The following CSMD1 variants were observed in gnomAD, a reference collection of about 807,000 sequenced individuals.
The protein encoded by CSMD1 is CUB and sushi domain-containing protein 1.
A neutral mutation model predicts 417.5 loss-of-function variants in CSMD1; 213 were observed. The observed-to-expected ratio is 0.51, with a 90% confidence interval of 0.46 to 0.57. CSMD1 has a LOEUF of 0.57. Among genes scored for constraint, CSMD1 ranks in the 20% least tolerant of loss-of-function variants. The probability of loss-of-function intolerance (pLI) is 0.00; values close to 1 mark genes in which losing one functional copy is unlikely to be tolerated. For missense variants in CSMD1, 6,923 were observed against 4,529.7 expected (o/e 1.53, Z -15.17); for synonymous variants, 2,862 against 1,736.8 (o/e 1.65, Z -16.11).
At chr8:3,352,213 T>C (rs576914202) in intron 21 of CSMD1, among the ~76,000 whole-genome samples, 1 of 152,148 alleles carries the variant, frequency 6.6e-6, no homozygotes, top group African/African-American at 2.4e-5. Flanking sequence ...AGGATGTTTT[T>C]ATGATTTTAT....
intron 4 of CSMD1, among the ~76,000 whole-genome samples, chr8:4,016,313 A>C (rs1037032236): frequency 2.0e-5 from 3 of 152,124 alleles, no homozygotes; most frequent in African/African-American, 7.2e-5. Flanking sequence ...ATAAATGGGG[A>C]ATAATTAACT....
chr8:4,051,879 T>TTCCTTCCTTC (rs1563058796), intron 3 of CSMD1, among the ~76,000 whole-genome samples: 9 of 61,944 alleles, frequency 1.5e-4, no homozygotes, highest in African/African-American at 4.1e-4. Flanking sequence ...CTTCCTCCTT[T>TTCCTTCCTTC]CTTCCTTCCT....
chr8:3,295,980 A>G (rs184568755), intron 25 of CSMD1, among the ~76,000 whole-genome samples: 36 of 152,226 alleles, frequency 2.4e-4, no homozygotes, highest in Admixed American at 2.2e-3. Flanking sequence ...TTCGTGTTGT[A>G]CAGGGAAGAG....
At chr8:4,193,838 C>T (rs372910226) in intron 3 of CSMD1, among the ~76,000 whole-genome samples, 4 of 151,884 alleles carry the variant, frequency 2.6e-5, no homozygotes, top group African/African-American at 7.3e-5. Flanking sequence ...ACAGTTCAGC[C>T]GTGTTTCCCA....
chr8:3,532,384 G>T (rs560389894), intron 10 of CSMD1, among the ~76,000 whole-genome samples: 1 of 152,218 alleles, frequency 6.6e-6, no homozygotes, highest in East Asian at 1.9e-4. Flanking sequence ...GTGTATGAGC[G>T]AGTGGTGAGG....
At chr8:4,655,234 C>T (rs1228608116) in intron 1 of CSMD1, among the ~76,000 whole-genome samples, 1 of 151,868 alleles carries the variant, frequency 6.6e-6, no homozygotes. Context: ...CAAATCTTAC[C>T]TTGGTTGCTA....
At chr8:4,325,863 T>C (rs1456703553) in intron 3 of CSMD1, among the ~76,000 whole-genome samples, 1 of 152,100 alleles carries the variant, frequency 6.6e-6, no homozygotes, top group Admixed American at 6.5e-5. Flanking sequence ...ATGGCTGGAA[T>C]TGAGAGTTCC....
At chr8:3,201,830 C>G (rs563076113) in intron 31 of CSMD1, 105 bp from the exon 32 acceptor site, 73 of 432,570 alleles carry the variant, frequency 1.7e-4, no homozygotes, top group African/African-American at 4.5e-4. Flanking sequence ...GGATCATTAT[C>G]CTAAGAATTT....
chr8:3,841,928 T>G (rs1291437558), intron 5 of CSMD1, among the ~76,000 whole-genome samples: 1 of 152,154 alleles, frequency 6.6e-6, no homozygotes, highest in Non-Finnish European at 1.5e-5. Context: ...TTCCCCTAGC[T>G]GATCCTCCAA....
At chr8:3,860,849 C>G (rs574935792) in intron 5 of CSMD1, among the ~76,000 whole-genome samples, 5 of 152,148 alleles carry the variant, frequency 3.3e-5, no homozygotes, top group Non-Finnish European at 7.3e-5. Context: ...GAAAAATATA[C>G]AATCATGAAA....
chr8:3,927,349 A>G (rs1266201576), intron 5 of CSMD1, among the ~76,000 whole-genome samples: 2 of 152,104 alleles, frequency 1.3e-5, no homozygotes, highest in South Asian at 4.2e-4. Flanking sequence ...TTCAATGGAA[A>G]AAGGAAAGGT....
intron 3 of CSMD1, among the ~76,000 whole-genome samples, chr8:4,192,970 T>C (rs146794968): frequency 6.6e-6 from 1 of 152,214 alleles, no homozygotes; most frequent in African/African-American, 2.4e-5. Context: ...TTCATAATAT[T>C]TGAGTGTTTT....
At chr8:3,303,800 A>T (rs1044807833) in intron 25 of CSMD1, among the ~76,000 whole-genome samples, 2 of 152,256 alleles carry the variant, frequency 1.3e-5, no homozygotes, top group African/African-American at 4.8e-5. Flanking sequence ...AATAACTTTC[A>T]ATGGGGCTAA....
At chr8:4,485,396 C>T (rs80222512) in intron 2 of CSMD1, among the ~76,000 whole-genome samples, 10,851 of 152,156 alleles carry the variant, frequency 0.071, 584 homozygotes, top group East Asian at 0.19. Context: ...GCCCTACAGA[C>T]GGGGCCTGAT....
At chr8:3,177,024 C>A (rs55736822) in intron 37 of CSMD1, among the ~76,000 whole-genome samples, 21,966 of 152,038 alleles carry the variant, frequency 0.14, 1,839 homozygotes, top group Admixed American at 0.21. Flanking sequence ...GCGATCCACT[C>A]ACCACAGCCT....
At position 3,894,806 on chromosome 8, in the gene CSMD1, C is replaced by T. The variant is rs752124800; in HGVS notation, c.818+103097G>A. Among the ~76,000 whole-genome samples the T allele has an allele frequency of 5.1e-4, 78 of 152,174 alleles. 1 individual carries two copies. The highest frequency in any genetic ancestry group is 1.0e-3 in the Non-Finnish European group (69 of 68,038). On this transcript the variant is annotated intron_variant, in intron 5 of 69. Coordinates refer to ENST00000635120, the MANE Select transcript of CSMD1 (RefSeq NM_033225.6). ...CATAGGGCTGTTAAATATTTAGGTG[C>T]TCTAATTCAAATTCACTGACAAGGG...
chr8:4,177,558 A>G (rs887127043), intron 3 of CSMD1, among the ~76,000 whole-genome samples: 11 of 152,176 alleles, frequency 7.2e-5, no homozygotes, highest in African/African-American at 2.6e-4. Context: ...AAGCTAGCAG[A>G]AGGCAAGAAA....
chr8:4,857,202 T>A lies in CSMD1; in HGVS notation c.85+137130A>T, dbSNP rs1482433911. Among the ~76,000 whole-genome samples the A allele has an allele frequency of 9.3e-5, 14 of 149,782 alleles. No individual in the cohort carries two copies. In the South Asian group the frequency reaches 2.0e-3, roughly 21 times the overall value. On this transcript the variant is annotated intron_variant, in intron 1 of 69. Transcript: ENST00000635120. ...AACGAAATGAAGGCAGAAATAAAGATGTTCTTTGAAACCAACGAGAACAAA... is the reference window on the plus strand; with the variant it reads ...AACGAAATGAAGGCAGAAATAAAGAAGTTCTTTGAAACCAACGAGAACAAA...
intron 21 of CSMD1, 41 bp downstream of exon 21, chr8:3,359,111 G>T: frequency 1.3e-6 from 2 of 1,597,194 alleles, no homozygotes; most frequent in Non-Finnish European, 1.7e-6. Context: ...GCTAGACCCT[G>T]CCCCCATGGA....
Sources: gnomAD v4.1 joint callset for allele counts (sites outside exome capture counted in the v4.1 genomes callset) on GRCh38, gnomAD v4.1.1 for gene constraint, MANE v1.5 for transcripts, NCBI Gene and HGNC (gene_info 2026-07-23, HGNC 2026-07-21) for gene names.